RNMT: variants seen among roughly 807,000 people sequenced by gnomAD.
RNMT encodes the protein RNA guanine-7 methyltransferase.
RNMT carries 27 observed loss-of-function variants against 56.0 expected under a neutral mutation model. The ratio of observed to expected loss-of-function variants is 0.48; its 90% confidence interval spans 0.36 to 0.67. The LOEUF is 0.67. Among genes scored for constraint, RNMT ranks in the 30% least tolerant of loss-of-function variants. The probability of loss-of-function intolerance (pLI) is 0.00; values close to 1 mark genes in which losing one functional copy is unlikely to be tolerated. For missense variants in RNMT, 519 were observed against 552.1 expected (o/e 0.94, Z 0.60); for synonymous variants, 184 against 176.2 (o/e 1.04, Z -0.35).
At chr18:13,755,416 TTATGAG>T (rs1401600347) in intron 11 of RNMT, among the ~76,000 whole-genome samples, 3 of 152,210 alleles carry the variant, frequency 2.0e-5, no homozygotes, top group Non-Finnish European at 1.5e-5. Flanking sequence ...CACAATGACT[TTATGAG>T]TAGAGTATTA....
rs749466878 is a variant in RNMT, at chr18:13,746,274, C to G, written c.1194C>G (p.Phe398Leu). The G allele has an allele frequency of 5.7e-6, 9 of 1,576,692 alleles. No homozygotes were observed. Among genetic ancestry groups the G allele is most frequent in the African/African-American group, 4.1e-5 (3 of 73,246 alleles). ...KLVYKKTFLE[F>L]YEEKIKNNEN... ...TCTACAAAAAAACATTTCTGGAATT[C>G]TACGAAGAAAAGATTAAGAACAATG... The change falls in exon 9 of 12, where the codon TTC becomes TTG. Residue 398 changes from phenylalanine to leucine, a missense_variant. Phe to Leu is a conservative substitution (Grantham distance 22, BLOSUM62 0). Transcript: ENST00000383314.
At chr18:13,748,305 G>A (rs907028251) in intron 9 of RNMT, among the ~76,000 whole-genome samples, 2 of 152,210 alleles carry the variant, frequency 1.3e-5, no homozygotes, top group Non-Finnish European at 2.9e-5. Flanking sequence ...GACAGAAGCA[G>A]TAATAGCATG....
In RNMT at chr18:13,748,008, CTACT is replaced by C. The variant is rs547309300; in HGVS notation, c.1257+1674_1257+1677del. 1.3e-3 allele frequency among the ~76,000 whole-genome samples: 196 copies of C among 152,312 alleles called. 1 individual carries two copies. The highest frequency in any genetic ancestry group is 2.4e-3 in the Non-Finnish European group (166 of 68,020). On this transcript the variant is annotated intron_variant, in intron 9 of 11. Transcript: ENST00000383314. ...TCACTTGTGTAATGTATGTCAAAAT[CTACT>C]TAGGTATGGTAGGGTATGGGATAAC...
intron 5 of RNMT, among the ~76,000 whole-genome samples, chr18:13,737,991 T>C (rs1329663740): frequency 1.3e-5 from 2 of 151,764 alleles, no homozygotes; most frequent in Admixed American, 1.3e-4. Context: ...GAAAAGTCGA[T>C]AGTAACGCAA....
chr18:13,762,222 C>G lies in RNMT; in HGVS notation c.*2243C>G. On this transcript the variant is annotated 3_prime_UTR_variant, in exon 12 of 12. Transcript: ENST00000383314. Reference sequence around the variant, plus strand: ...GTGGGAATGACGGAACTGGGGATTGCGATGATTGATCTGGGAACATGGCTG... The same window carrying G: ...GTGGGAATGACGGAACTGGGGATTGGGATGATTGATCTGGGAACATGGCTG... 1 of 1,441,780 alleles carries G rather than the reference C, an allele frequency of 6.9e-7. No homozygotes were observed. Among genetic ancestry groups the G allele is most frequent in the African/African-American group, 1.4e-5 (1 of 70,634 alleles). The allele number at this position is 1,441,780 out of a possible 1,614,324, so 89.3% of individuals were successfully genotyped here.
At position 13,762,090 on chromosome 18, in the gene RNMT, G is replaced by A; in HGVS notation, c.*2111G>A. ...GCATGGCTTTCCACCGTCGGGCCAG[G>A]AAGAGCACCTGTTGCTGCAAGCTCA... On this transcript the variant is annotated 3_prime_UTR_variant, in exon 12 of 12. Transcript: ENST00000383314. 1 of 1,536,078 alleles carries A rather than the reference G, an allele frequency of 6.5e-7. No individual in the cohort carries two copies. Among genetic ancestry groups the A allele is most frequent in the Non-Finnish European group, 8.7e-7 (1 of 1,146,870 alleles).
At chr18:13,756,426 G>C (rs1340779482) in intron 11 of RNMT, among the ~76,000 whole-genome samples, 1 of 152,104 alleles carries the variant, frequency 6.6e-6, no homozygotes, top group East Asian at 1.9e-4. Flanking sequence ...GGGTGTGTGG[G>C]GGGTGGGATT....
At chr18:13,740,932 C>T (rs2044241755) in intron 6 of RNMT, among the ~76,000 whole-genome samples, 1 of 152,158 alleles carries the variant, frequency 6.6e-6, no homozygotes, top group South Asian at 2.1e-4. Flanking sequence ...CATATCAGAG[C>T]CTGTTTGGTT....
Position 13,763,541 on chromosome 18 carries a change from T to C in RNMT, c.*3562T>C, listed in dbSNP as rs1276687856. 1.2e-5 allele frequency: 2 copies of C among 160,644 alleles called. No individual in the cohort carries two copies. The highest frequency in any genetic ancestry group is 2.4e-5 in the African/African-American group (1 of 41,904). 10.0% of individuals were successfully genotyped at this position (160,644 alleles called of 1,614,324 possible). A position where few individuals can be genotyped will look rare whatever the true frequency, so the allele number is the denominator to read the frequency against. ...GTGCTTTTTTGGGGGCAACATACCTTGGACAAAGCTGAGCTGACAGCTAAT... is the reference window on the plus strand; with the variant it reads ...GTGCTTTTTTGGGGGCAACATACCTCGGACAAAGCTGAGCTGACAGCTAAT... On this transcript the variant is annotated 3_prime_UTR_variant, in exon 12 of 12. Transcript: ENST00000383314.
At position 13,746,915 on chromosome 18, in the gene RNMT, GTGT is replaced by G. The variant is rs554236362; in HGVS notation, c.1257+584_1257+586del. Among the ~76,000 whole-genome samples, 193 of 152,134 alleles carry G rather than the reference GTGT, an allele frequency of 1.3e-3. 1 individual carries two copies. Among genetic ancestry groups the G allele is most frequent in the African/African-American group, 4.3e-3 (179 of 41,554 alleles). On this transcript the variant is annotated intron_variant, in intron 9 of 11. Transcript: ENST00000383314. Reference sequence around the variant, plus strand: ...TAGCAGGGTTCCAGTCTTTTAGACTGTGTTGTTGCTGAGACCTCTCCTGTCCTA... The same window carrying G: ...TAGCAGGGTTCCAGTCTTTTAGACTGTGTTGCTGAGACCTCTCCTGTCCTA...
intron 11 of RNMT, among the ~76,000 whole-genome samples, chr18:13,756,209 G>C (rs2044540158): frequency 6.6e-6 from 1 of 152,212 alleles, no homozygotes; most frequent in Non-Finnish European, 1.5e-5. Flanking sequence ...TCTGGAAGTG[G>C]AAGTGGTTCA....
intron 9 of RNMT, among the ~76,000 whole-genome samples, chr18:13,752,072 A>G (rs1244759632): frequency 1.3e-5 from 2 of 152,166 alleles, no homozygotes; most frequent in Non-Finnish European, 2.9e-5. Context: ...ATACCTATGT[A>G]ATAAACCTGA....
chr18:13,731,859 A>G lies in RNMT; in HGVS notation c.342A>G (p.Lys114=), dbSNP rs780193858. 2.5e-6 allele frequency: 4 copies of G among 1,612,582 alleles called. No individual in the cohort carries two copies. The highest frequency in any genetic ancestry group is 1.7e-6 in the Non-Finnish European group (2 of 1,179,760). Residue 114 remains lysine (K), a synonymous_variant, in exon 3 of 12, where the codon AAA becomes AAG. Transcript: ENST00000383314. ...KRKRETEDVP[K]DKSSTGDGTQ... is the part of the protein sequence containing the mutation. ...AAAGAGAAACTGAGGATGTTCCAAA[A>G]GATAAATCTTCTACTGGAGATGGCA...
chr18:13,761,102 T>C lies in RNMT; in HGVS notation c.*1123T>C. 3.0e-6 allele frequency: 3 copies of C among 985,016 alleles called. No homozygotes were observed. The highest frequency in any genetic ancestry group is 3.6e-6 in the Non-Finnish European group (3 of 829,518). The allele number at this position is 985,016 out of a possible 1,614,324, so 61.0% of individuals were successfully genotyped here. On this transcript the variant is annotated 3_prime_UTR_variant, in exon 12 of 12. Transcript: ENST00000383314. ...GCCATGATTTACAAAAACATTACTTTCTGTAATTCACAATACTTGTTTTAA... is the reference window on the plus strand; with the variant it reads ...GCCATGATTTACAAAAACATTACTTCCTGTAATTCACAATACTTGTTTTAA...
At position 13,761,533 on chromosome 18, in the gene RNMT, A is replaced by C. The variant is rs2044619178; in HGVS notation, c.*1554A>C. 1 of 991,542 alleles carries C rather than the reference A, an allele frequency of 1.0e-6. No homozygotes were observed. The highest frequency in any genetic ancestry group is 1.2e-6 in the Non-Finnish European group (1 of 833,418). 61.4% of individuals were successfully genotyped at this position (991,542 alleles called of 1,614,324 possible). The stretch of plus-strand genomic sequence containing the variant: ...ATTAACAGGTAATAATAATACATGT[A>C]CTTTTAGCCTGAAACCTCTTCCACG... On this transcript the variant is annotated 3_prime_UTR_variant, in exon 12 of 12. Transcript: ENST00000383314.
intron 4 of RNMT, among the ~76,000 whole-genome samples, chr18:13,735,451 ATATT>A (rs1568500421): frequency 6.7e-6 from 1 of 150,328 alleles, no homozygotes; most frequent in South Asian, 2.1e-4. Flanking sequence ...TGTTACAAAA[ATATT>A]TATTTGACTC....
At chr18:13,744,541 C>T (rs1188265169) in intron 8 of RNMT, among the ~76,000 whole-genome samples, 1 of 151,886 alleles carries the variant, frequency 6.6e-6, no homozygotes, top group Non-Finnish European at 1.5e-5. Flanking sequence ...AAATGAACTG[C>T]CTGGAATAAA....
rs189690327 is a variant in RNMT at position 13,751,614 on chromosome 18, T to C, written c.1258-712T>C. Reference sequence around the variant, plus strand: ...CCATTTGACCCAGCAATCCCATTACTGGGTGTATACCCAAAGGATTATAAA... The same window carrying C: ...CCATTTGACCCAGCAATCCCATTACCGGGTGTATACCCAAAGGATTATAAA... On this transcript the variant is annotated intron_variant, in intron 9 of 11. Coordinates refer to ENST00000383314, the MANE Select transcript of RNMT (RefSeq NM_003799.3). Among the ~76,000 whole-genome samples the C allele has an allele frequency of 6.8e-3, 1,040 of 152,360 alleles. 8 individuals are homozygous for C. The highest frequency in any genetic ancestry group is 0.011 in the Non-Finnish European group (762 of 68,036).
intron 9 of RNMT, among the ~76,000 whole-genome samples, chr18:13,751,224 T>C (rs568957697): frequency 6.6e-6 from 1 of 152,368 alleles, no homozygotes; most frequent in African/African-American, 2.4e-5. Context: ...TCTACCCATC[T>C]GATAGAGGGC....
Sources: gnomAD v4.1 joint callset for allele counts (sites outside exome capture counted in the v4.1 genomes callset) on GRCh38, gnomAD v4.1.1 for gene constraint, MANE v1.5 for transcripts, NCBI Gene and HGNC (gene_info 2026-07-23, HGNC 2026-07-21) for gene names.